Variants in ATP2A3 observed in about 807,000 individuals in gnomAD.
The protein encoded by ATP2A3 is ATPase sarcoplasmic/endoplasmic reticulum Ca2+ transporting 3.
In ATP2A3, 61 loss-of-function variants were observed where a neutral mutation model predicts 106.8. The ratio of observed to expected loss-of-function variants is 0.57; its 90% confidence interval spans 0.46 to 0.71. ATP2A3 has a LOEUF of 0.71. Among genes scored for constraint, ATP2A3 ranks in the 30% least tolerant of loss-of-function variants. The pLI is 0.00. For synonymous variants in ATP2A3, 611 were observed against 609.3 expected, an observed-to-expected ratio of 1.00 and a Z score of -0.04; for missense variants, 1,201 against 1,423.5, an observed-to-expected ratio of 0.84 and a Z score of 2.52.
rs147427560 is a variant in ATP2A3, at chr17:3,953,016, C to G, written c.219+331G>C. On this transcript the variant is annotated intron_variant, in intron 3 of 20. Coordinates refer to ENST00000397041, the MANE Select transcript of ATP2A3 (RefSeq NM_005173.4). The surrounding 1 kb of genome is among the most constrained non-coding windows in gnomAD (Gnocchi z 5.1). ...CACCCCCACCCCGACAAAGAATGAT[C>G]TGGTCTAAACTATCAGTAGTGCTGA... 1.4e-3 allele frequency among the ~76,000 whole-genome samples: 214 copies of G among 152,294 alleles called. 6 individuals are homozygous for G. The East Asian group carries it at 0.024, about 17-fold the overall frequency.
In ATP2A3 at chr17:3,929,815, C is replaced by T. The variant is rs1204764473; in HGVS notation, c.2745-370G>A. Among the ~76,000 whole-genome samples the T allele has an allele frequency of 6.6e-6, 1 of 151,418 alleles. No homozygotes were observed. Among genetic ancestry groups the T allele is most frequent in the Non-Finnish European group, 1.5e-5 (1 of 67,858 alleles). ...ATCCTGGACCCCGCTTGGCCCCAGACCTTTGTTCTGGACCCCTCTAACTCC... is the reference window on the plus strand; with the variant it reads ...ATCCTGGACCCCGCTTGGCCCCAGATCTTTGTTCTGGACCCCTCTAACTCC... On this transcript the variant is annotated intron_variant, in intron 18 of 20. Transcript: ENST00000397041. The surrounding 1 kb of genome is among the most constrained non-coding windows in gnomAD (Gnocchi z 4.3).
Position 3,928,085 on chromosome 17 carries a change from C to T in ATP2A3, c.2980+578G>A, listed in dbSNP as rs766202362. Reference sequence around the variant, plus strand: ...ACTCTCAGAGCCCACCTGGCAGAGGCAGGTGGATGGACCCCATGTCCCAGC... The same window carrying T: ...ACTCTCAGAGCCCACCTGGCAGAGGTAGGTGGATGGACCCCATGTCCCAGC... On this transcript the variant is annotated intron_variant, in intron 20 of 20. Coordinates refer to ENST00000397041, the MANE Select transcript of ATP2A3 (RefSeq NM_005173.4). This position sits in a 1 kb window ranked among gnomAD's most constrained non-coding sequence, Gnocchi z 6.1. 1.9e-6 allele frequency: 3 copies of T among 1,611,968 alleles called. No individual in the cohort carries two copies. The highest frequency in any genetic ancestry group is 2.2e-5 in the South Asian group (2 of 91,038).
chr17:3,964,161 C>CCCGGT lies in ATP2A3; in HGVS notation c.118+12_118+13insACCGG, dbSNP rs2055304621. 1 of 1,151,834 alleles carries CCCGGT rather than the reference C, an allele frequency of 8.7e-7. No individual in the cohort carries two copies. Among genetic ancestry groups the CCCGGT allele is most frequent in the African/African-American group, 1.6e-5 (1 of 60,666 alleles). 71.4% of individuals were successfully genotyped at this position (1,151,834 alleles called of 1,614,324 possible). On this transcript the variant is annotated intron_variant, in intron 1 of 20. Transcript: ENST00000397041. ...GCCCCCGCTCCCCGGCCCGGCCCGG[C>CCCGGT]CCGCGCGCTCACCGTTGGGGCCGTA... is the stretch of plus-strand genomic sequence containing the variant.
intron 14 of ATP2A3, among the ~76,000 whole-genome samples, chr17:3,940,042 T>C (rs1239348620): frequency 7.8e-6 from 1 of 128,454 alleles, no homozygotes; most frequent in East Asian, 2.1e-4. Flanking sequence ...TTTTTTTTTT[T>C]GTTTTTTGTT....
chr17:3,947,260 G>A lies in ATP2A3; in HGVS notation c.1095+131C>T. ...TGTCATCTTGTGAAAACCTGGACCT[G>A]CTCTGGGCCAAGGGACAGCCCACAG... On this transcript the variant is annotated intron_variant, in intron 8 of 20. Coordinates refer to ENST00000397041, the MANE Select transcript of ATP2A3 (RefSeq NM_005173.4). This position sits in a 1 kb window ranked among gnomAD's most constrained non-coding sequence, Gnocchi z 7.7. 1 of 1,140,374 alleles carries A rather than the reference G, an allele frequency of 8.8e-7. No homozygotes were observed. Among genetic ancestry groups the A allele is most frequent in the Non-Finnish European group, 1.3e-6 (1 of 783,130 alleles). The allele number at this position is 1,140,374 out of a possible 1,614,324, so 70.6% of individuals were successfully genotyped here. A position where few individuals can be genotyped will look rare whatever the true frequency, so the allele number is the denominator to read the frequency against.
At chr17:3,927,827 T>G in intron 20 of ATP2A3, 1 of 985,138 alleles carries the variant, frequency 1.0e-6, no homozygotes, top group Non-Finnish European at 1.2e-6. Flanking sequence ...CTCCACCCAC[T>G]CCCCTGGGGC....
intron 1 of ATP2A3, among the ~76,000 whole-genome samples, chr17:3,960,032 A>C (rs1217362226): frequency 6.6e-6 from 1 of 152,186 alleles, no homozygotes; most frequent in South Asian, 2.1e-4. Flanking sequence ...AACTAGGGTG[A>C]AGCATGAAAG....
Position 3,930,470 on chromosome 17 carries a change from G to C in ATP2A3, c.2611-36C>G, listed in dbSNP as rs372639683. The C allele has an allele frequency of 6.2e-7, 1 of 1,611,786 alleles. No individual in the cohort carries two copies. The highest frequency in any genetic ancestry group is 1.3e-5 in the African/African-American group (1 of 74,934). On this transcript the variant is annotated intron_variant, in intron 17 of 20. Transcript: ENST00000397041. This position sits in a 1 kb window ranked among gnomAD's most constrained non-coding sequence, Gnocchi z 5.4. ...CGTGGCAGGTCAGAGAGAGCGGCAG[G>C]TCAGGCGAGGGGCTGGTGGGTGGGA...
At chr17:3,960,336 G>A (rs948354064) in intron 1 of ATP2A3, among the ~76,000 whole-genome samples, 1 of 152,226 alleles carries the variant, frequency 6.6e-6, no homozygotes, top group African/African-American at 2.4e-5. Context: ...GAGCCAAGAC[G>A]CCGCTGGCAG....
rs1238884694 is a variant in ATP2A3, at chr17:3,958,855, T to C, written c.119-5145A>G. Among the ~76,000 whole-genome samples, 109 of 87,488 alleles carry C rather than the reference T, an allele frequency of 1.2e-3. 1 individual carries two copies. Among genetic ancestry groups the C allele is most frequent in the African/African-American group, 2.6e-3 (41 of 16,004 alleles). 57.4% of individuals were successfully genotyped at this position (87,488 alleles called of 152,430 possible). A position where few individuals can be genotyped will look rare whatever the true frequency, so the allele number is the denominator to read the frequency against. ...ATACACACACACATATATAAATATA[T>C]ATATATATATATATACACACACACA... is the stretch of plus-strand genomic sequence containing the variant. On this transcript the variant is annotated intron_variant, in intron 1 of 20. Transcript: ENST00000397041.
chr17:3,927,272 T>C (rs2052759888), intron 20 of ATP2A3: 1 of 985,362 alleles, frequency 1.0e-6, no homozygotes, highest in South Asian at 4.7e-5. Flanking sequence ...GACACAGGCT[T>C]TTCCGTGCTG....
At chr17:3,958,195 G>A (rs2054890399) in intron 1 of ATP2A3, among the ~76,000 whole-genome samples, 1 of 152,200 alleles carries the variant, frequency 6.6e-6, no homozygotes, top group South Asian at 2.1e-4. Flanking sequence ...GCAAAAAGAG[G>A]GTGATAAATG....
intron 8 of ATP2A3, among the ~76,000 whole-genome samples, chr17:3,946,850 A>G (rs1399503512): frequency 1.3e-5 from 2 of 152,206 alleles, no homozygotes; most frequent in Admixed American, 6.5e-5. Flanking sequence ...CTTCTGCCCC[A>G]TGGGCCTGCT....
At position 3,953,777 on chromosome 17, in the gene ATP2A3, C is replaced by CG; in HGVS notation, c.119-68dup. On this transcript the variant is annotated intron_variant, in intron 1 of 20. Coordinates refer to ENST00000397041, the MANE Select transcript of ATP2A3 (RefSeq NM_005173.4). This position sits in a 1 kb window ranked among gnomAD's most constrained non-coding sequence, Gnocchi z 5.1. ...AGAGGAGTGGGTCACGCAGGGGCCTCGGGGGAGTCTGGCAGTGCCTCCCCA... is the reference window on the plus strand; with the variant it reads ...AGAGGAGTGGGTCACGCAGGGGCCTCGGGGGGAGTCTGGCAGTGCCTCCCCA... 1.3e-6 allele frequency: 2 copies of CG among 1,535,074 alleles called. No individual in the cohort carries two copies. Among genetic ancestry groups the CG allele is most frequent in the African/African-American group, 1.4e-5 (1 of 72,872 alleles).
At chr17:3,958,801 T>TATACACAC (rs1567726589) in intron 1 of ATP2A3, among the ~76,000 whole-genome samples, 9 of 107,650 alleles carry the variant, frequency 8.4e-5, no homozygotes, top group Non-Finnish European at 1.3e-4. Context: ...CACATATATA[T>TATACACAC]ACACACATAT....
intron 3 of ATP2A3, among the ~76,000 whole-genome samples, chr17:3,952,669 A>G (rs1048001702): frequency 3.9e-5 from 6 of 152,140 alleles, no homozygotes; most frequent in African/African-American, 1.2e-4. Flanking sequence ...GGCTCACTGC[A>G]GCTCCATCCT....
intron 10 of ATP2A3, 108 bp from the exon 11 acceptor site, chr17:3,943,630 T>G (rs2053914155): frequency 1.3e-6 from 2 of 1,555,508 alleles, no homozygotes; most frequent in Non-Finnish European, 1.8e-6. Flanking sequence ...GAGTTCCGTG[T>G]AACCTCCTTT....
rs118171108 is a variant in ATP2A3 at position 3,950,686 on chromosome 17, G to A, written c.544+7C>T. 5 of 1,613,752 alleles carry A rather than the reference G, an allele frequency of 3.1e-6. No homozygotes were observed. The Admixed American group carries it at 6.7e-5, about 22-fold the overall frequency. ...ACTAGGTCCCGGCCTCCTGGGGGGG[G>A]CCTCACCCGTCAGGATGGACTGGTC... On this transcript the variant is annotated splice_region_variant and intron_variant, in intron 6 of 20. Coordinates refer to ENST00000397041, the MANE Select transcript of ATP2A3 (RefSeq NM_005173.4).
chr17:3,936,276 C>A lies in ATP2A3; in HGVS notation c.2515G>T (p.Ala839Ser). The A allele has an allele frequency of 6.2e-7, 1 of 1,613,910 alleles. No homozygotes were observed. The highest frequency in any genetic ancestry group is 8.5e-7 in the Non-Finnish European group (1 of 1,179,978). ...CTCAGGCCCCACTCACCTCCGATAG[C>A]CAGGTATCGGAAGAAGAGCCAGCCA... is the stretch of plus-strand genomic sequence containing the variant. ...ISGWLFFRYLAIGVYVGLATV... is the reference protein window; with the variant it reads ...ISGWLFFRYLSIGVYVGLATV... The change falls in exon 16 of 21, where the codon GCT becomes TCT. Residue 839 changes from alanine to serine, a missense_variant. Around this residue, in one of 2 missense-constraint regions of ATP2A3, gnomAD observed 935 missense variants for 1,176.7 expected, o/e 0.79. Coordinates refer to ENST00000397041, the MANE Select transcript of ATP2A3 (RefSeq NM_005173.4). The surrounding 1 kb of genome is among the most constrained non-coding windows in gnomAD (Gnocchi z 5.4).
Sources: allele counts gnomAD v4.1 joint callset (sites outside exome capture counted in the v4.1 genomes callset), GRCh38; gene constraint gnomAD v4.1.1; regional missense constraint gnomAD v4.1.1; non-coding constraint Gnocchi (gnomAD v3.1); transcripts MANE v1.5; gene names NCBI Gene and HGNC (gene_info 2026-07-23, HGNC 2026-07-21).